The following IL2RG variants were observed in gnomAD, a reference collection of about 807,000 sequenced individuals.
IL2RG encodes cytokine receptor common subunit gamma.
For missense variants in IL2RG, 205 were observed against 272.9 expected (o/e 0.75, Z 1.75); for synonymous variants, 111 against 108.5 (o/e 1.02, Z -0.15).
chrX:71,108,307 A>C lies in IL2RG; in HGVS notation c.894T>G (p.Asp298Glu). 1 of 1,206,738 alleles carries C rather than the reference A, an allele frequency of 8.3e-7. No individual in the cohort carries two copies. Among genetic ancestry groups the C allele is most frequent in the Non-Finnish European group, 1.1e-6 (1 of 890,861 alleles). Reference protein sequence around the residue: ...PRIPTLKNLEDLVTEYHGNFS... With the variant: ...PRIPTLKNLEELVTEYHGNFS... ...AGTTCCCGTGGTATTCAGTAACAAGATCCTCTAGGTTCTTCAGGGTGGGAA... is the reference window on the plus strand; with the variant it reads ...AGTTCCCGTGGTATTCAGTAACAAGCTCCTCTAGGTTCTTCAGGGTGGGAA... Residue 298 changes from aspartate to glutamate, a missense_variant, in exon 7 of 8, where the codon GAT (aspartate) becomes GAG (glutamate). Asp to Glu is a conservative substitution (Grantham distance 45). Coordinates refer to ENST00000374202, the MANE Select transcript of IL2RG (RefSeq NM_000206.3).
At chrX:71,109,120 G>C (rs1220165468) in intron 5 of IL2RG, 108 bp downstream of exon 5, 12 of 787,481 alleles carry the variant, frequency 1.5e-5, no homozygotes, top group Middle Eastern at 8.5e-4. Flanking sequence ...GGAGAGATGG[G>C]GCACCAAGTT....
rs2092262272 is a variant in IL2RG, at chrX:71,110,885, C to G, written c.269+12G>C. ...CTCTTCTTCATCCCCTCCCCCTCGTCCCTTCTCATACCAATAATGCAGAGT... is the reference window on the plus strand; with the variant it reads ...CTCTTCTTCATCCCCTCCCCCTCGTGCCTTCTCATACCAATAATGCAGAGT... On this transcript the variant is annotated intron_variant, in intron 2 of 7. Transcript: ENST00000374202. 1 of 1,207,454 alleles carries G rather than the reference C, an allele frequency of 8.3e-7. No homozygotes were observed. Among genetic ancestry groups the G allele is most frequent in the Non-Finnish European group, 1.1e-6 (1 of 893,614 alleles).
Position 71,108,289 on chromosome X carries a change from G to T in IL2RG, c.912C>A (p.His304Gln). ...ACAGCGTTCTCACCGAAAAGTTCCC[G>T]TGGTATTCAGTAACAAGATCCTCTA... ...KNLEDLVTEY[H>Q]GNFSAWSGVS... Residue 304 changes from histidine (H) to glutamine (Q), a missense_variant, in exon 7 of 8, where the codon CAC becomes CAA. Coordinates refer to ENST00000374202, the MANE Select transcript of IL2RG (RefSeq NM_000206.3). 1.7e-6 allele frequency: 2 copies of T among 1,202,134 alleles called. No individual in the cohort carries two copies. Among genetic ancestry groups the T allele is most frequent in the Non-Finnish European group, 1.1e-6 (1 of 886,804 alleles).
Position 71,107,756 on chromosome X carries a change from T to G in IL2RG, c.1090A>C (p.Thr364Pro). 1 of 1,143,377 alleles carries G rather than the reference T, an allele frequency of 8.7e-7. No homozygotes were observed. The allele number at this position is 1,143,377 out of a possible 1,213,427, so 94.2% of individuals were successfully genotyped here. A position where few individuals can be genotyped will look rare whatever the true frequency, so the allele number is the denominator to read the frequency against. The change falls in exon 8 of 8, where the codon ACC becomes CCC. Residue 364 changes from threonine (T) to proline (P), a missense_variant. Physicochemically the swap from Thr to Pro is conservative, Grantham distance 38. Coordinates refer to ENST00000374202, the MANE Select transcript of IL2RG (RefSeq NM_000206.3). ...GGGGTTCAGGTTTCAGGCTTTAGGG[T>G]GTAACATGGGGGGGCCCAGTAGGGG... ...HSPYWAPPCYTLKPET is the reference protein window; with the variant it reads ...HSPYWAPPCYPLKPET
Position 71,107,706 on chromosome X carries a change from C to T in IL2RG, c.*30G>A. 1 of 1,100,642 alleles carries T rather than the reference C, an allele frequency of 9.1e-7. No individual in the cohort carries two copies. Among genetic ancestry groups the T allele is most frequent in the East Asian group, 3.1e-5 (1 of 32,320 alleles). The allele number at this position is 1,100,642 out of a possible 1,213,427, so 90.7% of individuals were successfully genotyped here. On this transcript the variant is annotated 3_prime_UTR_variant, in exon 8 of 8. Coordinates refer to ENST00000374202, the MANE Select transcript of IL2RG (RefSeq NM_000206.3). ...TTAGTACCACTTAGGGCTACAGGAC[C>T]CTGGGGTTCTTCTGTCAGAGGATTG... is the stretch of plus-strand genomic sequence containing the variant.
chrX:71,108,353 G>A lies in IL2RG; in HGVS notation c.855-7C>T, dbSNP rs775527646. ...GGGAATTCGGGGCATCGTCCTGACA[G>A]GGGAGAAAGAGGGAGCAGGAGCACA... On this transcript the variant is annotated splice_polypyrimidine_tract_variant and splice_region_variant and intron_variant, in intron 6 of 7. Coordinates refer to ENST00000374202, the MANE Select transcript of IL2RG (RefSeq NM_000206.3). The A allele has an allele frequency of 4.3e-6, 5 of 1,166,637 alleles. No individual in the cohort carries two copies. The highest frequency in any genetic ancestry group is 5.9e-6 in the Non-Finnish European group (5 of 854,244).
chrX:71,109,153 G>T, intron 5 of IL2RG, 75 bp downstream of exon 5: 1 of 1,040,008 alleles, frequency 9.6e-7, no homozygotes, highest in Non-Finnish European at 1.3e-6. Flanking sequence ...TGACAGGGAA[G>T]TGGAGCAAAA....
At chrX:71,110,134 A>C in intron 4 of IL2RG, 22 bp downstream of exon 4, 1 of 1,208,650 alleles carries the variant, frequency 8.3e-7, no homozygotes, top group South Asian at 1.8e-5. Flanking sequence ...TAGCTGCTAC[A>C]TTCACGTCCC....
At chrX:71,109,047 A>C (rs760827593) in intron 5 of IL2RG, among the ~76,000 whole-genome samples, 181 bp downstream of exon 5, 1 of 111,859 alleles carries the variant, frequency 8.9e-6, no homozygotes, top group South Asian at 3.7e-4. Context: ...CTACTCTAAC[A>C]ACACGCTAAC....
chrX:71,111,559 C>T lies in IL2RG; in HGVS notation c.-20G>A, dbSNP rs1473965774. On this transcript the variant is annotated 5_prime_UTR_variant, in exon 1 of 8. Coordinates refer to ENST00000374202, the MANE Select transcript of IL2RG (RefSeq NM_000206.3). ...CAACATGGCGCTTGCTCTTCATTCC[C>T]TGGGTGTAGTCTGTCTGTGTCAGGA... 5 of 1,208,297 alleles carry T rather than the reference C, an allele frequency of 4.1e-6. No individual in the cohort carries two copies. Among genetic ancestry groups the T allele is most frequent in the Non-Finnish European group, 5.6e-6 (5 of 894,193 alleles).
At chrX:71,110,725 G>A in intron 2 of IL2RG, 37 bp from the exon 3 acceptor site, 1 of 1,130,830 alleles carries the variant, frequency 8.8e-7, no homozygotes, top group Non-Finnish European at 1.2e-6. Context: ...GGAACAGTGG[G>A]GCCAATCTGG....
rs144404810 is a variant in IL2RG, at chrX:71,107,538, A to C, written c.*198T>G. The C allele has an allele frequency of 3.1e-6, 1 of 321,882 alleles. No individual in the cohort carries two copies. The highest frequency in any genetic ancestry group is 5.5e-6 in the Non-Finnish European group (1 of 181,529). The allele number at this position is 321,882 out of a possible 1,213,427, so 26.5% of individuals were successfully genotyped here. Reference sequence around the variant, plus strand: ...AAAGGAAGGGCCAGACTGAGGGAGAAGAAAAACATGTTCGGGGCAAAAGGG... The same window carrying C: ...AAAGGAAGGGCCAGACTGAGGGAGACGAAAAACATGTTCGGGGCAAAAGGG... On this transcript the variant is annotated 3_prime_UTR_variant, in exon 8 of 8. Transcript: ENST00000374202.
At position 71,111,432 on chromosome X, in the gene IL2RG, G is replaced by C. The variant is rs2092263830; in HGVS notation, c.108C>G (p.Thr36=). ...TILTPNGNED[T]TADFFLTTMP... is the part of the protein sequence containing the mutation. ...CAGTCCCAGATTTCCCACCAGCTGT[G>C]GTGTCTTCATTCCCATTGGGCGTCA... Residue 36 remains threonine, a synonymous_variant, in exon 1 of 8, where the codon ACC becomes ACG. Coordinates refer to ENST00000374202, the MANE Select transcript of IL2RG (RefSeq NM_000206.3). 2.5e-6 allele frequency: 3 copies of C among 1,209,067 alleles called. No individual in the cohort carries two copies. The African/African-American group carries it at 5.3e-5, about 21-fold the overall frequency.
chrX:71,111,523 A>G lies in IL2RG; in HGVS notation c.17T>C (p.Leu6Ser), dbSNP rs2092264087. The change falls in exon 1 of 8, where the codon TTA becomes TCA. Residue 6 changes from leucine (L) to serine (S), a missense_variant. Transcript: ENST00000374202. ...CAGGAATAAGAGGGATGTGAATGGT[A>G]ATGATGGCTTCAACATGGCGCTTGC... Reference protein sequence around the residue: MLKPSLPFTSLLFLQL... With the variant: MLKPSSPFTSLLFLQL... The G allele has an allele frequency of 3.3e-6, 4 of 1,211,525 alleles. No homozygotes were observed. The Admixed American group carries it at 8.7e-5, about 26-fold the overall frequency.
chrX:71,110,704 T>C lies in IL2RG; in HGVS notation c.270-16A>G. 1.7e-6 allele frequency: 2 copies of C among 1,195,893 alleles called. No individual in the cohort carries two copies. Among genetic ancestry groups the C allele is most frequent in the South Asian group, 3.5e-5 (2 of 56,510 alleles). Reference sequence around the variant, plus strand: ...GTTCTTGTACCTAGAGGAGAAAGGTTGGAAGGAAGAGGAACAGTGGGGCCA... The same window carrying C: ...GTTCTTGTACCTAGAGGAGAAAGGTCGGAAGGAAGAGGAACAGTGGGGCCA... On this transcript the variant is annotated splice_polypyrimidine_tract_variant and intron_variant, in intron 2 of 7. Coordinates refer to ENST00000374202, the MANE Select transcript of IL2RG (RefSeq NM_000206.3).
In IL2RG at chrX:71,110,080, TTCTA is replaced by T. The variant is rs762043391; in HGVS notation, c.594+72_594+75del. 16 of 1,102,784 alleles carry T rather than the reference TTCTA, an allele frequency of 1.5e-5. No homozygotes were observed. The African/African-American group carries it at 2.7e-4, about 19-fold the overall frequency. 90.9% of individuals were successfully genotyped at this position (1,102,784 alleles called of 1,213,427 possible). On this transcript the variant is annotated intron_variant, in intron 4 of 7. Transcript: ENST00000374202. ...AGAACAGGAGCTTGATATTAGGTCC[TTCTA>T]TCTGTCTGGTTGAATCCTTTAGCCC... is the stretch of plus-strand genomic sequence containing the variant.
At position 71,110,955 on chromosome X, in the gene IL2RG, T is replaced by G; in HGVS notation, c.211A>C (p.Asn71His). Residue 71 changes from asparagine (N) to histidine (H), a missense_variant, in exon 2 of 8, where the codon AAT (asparagine) becomes CAT (histidine). Transcript: ENST00000374202. ...TCAGAGCTGCTGTTCCAAGTGCAAT[T>G]CATGTACTCGACATTGAACACAAAA... ...QCFVFNVEYM[N>H]CTWNSSSEPQ... 1 of 1,209,283 alleles carries G rather than the reference T, an allele frequency of 8.3e-7. No individual in the cohort carries two copies. Among genetic ancestry groups the G allele is most frequent in the Non-Finnish European group, 1.1e-6 (1 of 893,938 alleles).
chrX:71,108,666 C>A lies in IL2RG; in HGVS notation c.787G>T (p.Val263Leu). Residue 263 changes from valine to leucine, a missense_variant, in exon 6 of 8, where the codon GTG becomes TTG. Transcript: ENST00000374202. ...ENPFLFALEAVVISVGSMGLI... is the reference protein window; with the variant it reads ...ENPFLFALEALVISVGSMGLI... ...CCCATGGAGCCAACAGAGATAACCA[C>A]GGCTTCCAATGCAAACAGGAAAGGA... The A allele has an allele frequency of 8.4e-7, 1 of 1,191,127 alleles. No homozygotes were observed. The highest frequency in any genetic ancestry group is 1.1e-6 in the Non-Finnish European group (1 of 881,363).
chrX:71,108,849 C>T (rs7888057), intron 5 of IL2RG, among the ~76,000 whole-genome samples, 154 bp from the exon 6 acceptor site: 1 of 112,960 alleles, frequency 8.9e-6, no homozygotes, highest in Admixed American at 9.3e-5. Context: ...CATCTTACAT[C>T]TTAGGAAACA....
Sources: allele counts gnomAD v4.1 joint callset (sites outside exome capture counted in the v4.1 genomes callset), GRCh38; gene constraint gnomAD v4.1.1; transcripts MANE v1.5; gene names NCBI Gene and HGNC (gene_info 2026-07-23, HGNC 2026-07-21).